The following MAP3K7CL variants were observed in gnomAD, a reference collection of about 807,000 sequenced individuals.
The protein encoded by MAP3K7CL is MAP3K7 C-terminal-like protein.
MAP3K7CL carries 16 observed loss-of-function variants against 18.6 expected under a neutral mutation model. The ratio of observed to expected loss-of-function variants is 0.86; its 90% confidence interval spans 0.58 to 1.31. The LOEUF (loss-of-function observed/expected upper bound fraction) is 1.31, where lower values mean the gene tolerates loss of function less well. Ranked by LOEUF, MAP3K7CL falls within the 50% of genes most tolerant of loss-of-function variation. The pLI, the probability that MAP3K7CL is intolerant of heterozygous loss-of-function variation, is 0.00. For synonymous variants in MAP3K7CL, 65 were observed against 66.8 expected (o/e 0.97, Z 0.13); for missense variants, 163 against 174.4 (o/e 0.93, Z 0.37).
chr21:29,117,537 A>C (rs1307085753), intron 4 of MAP3K7CL, among the ~76,000 whole-genome samples: 6 of 152,258 alleles, frequency 3.9e-5, no homozygotes, highest in Non-Finnish European at 8.8e-5. Context: ...TAAGCTAAAA[A>C]AAGGAAAATT....
chr21:29,166,092 C>A (rs1378706192), intron 4 of MAP3K7CL, among the ~76,000 whole-genome samples: 1 of 152,178 alleles, frequency 6.6e-6, no homozygotes, highest in African/African-American at 2.4e-5. Flanking sequence ...CAGGAGAACA[C>A]CAGAAGTTAT....
chr21:29,087,239 A>G (rs1391990777), intron 1 of MAP3K7CL, among the ~76,000 whole-genome samples: 4 of 151,764 alleles, frequency 2.6e-5, no homozygotes, highest in Non-Finnish European at 2.9e-5. Context: ...TTCCTTGACA[A>G]CTCTGTCTTC....
At chr21:29,158,572 A>G (rs2087462596) in intron 3 of MAP3K7CL, among the ~76,000 whole-genome samples, 1 of 152,204 alleles carries the variant, frequency 6.6e-6, no homozygotes, top group Non-Finnish European at 1.5e-5. Context: ...CATCTTATCT[A>G]TCAATCAGAC....
intron 4 of MAP3K7CL, among the ~76,000 whole-genome samples, chr21:29,095,316 T>C (rs1323268327): frequency 6.6e-6 from 1 of 152,046 alleles, no homozygotes; most frequent in Non-Finnish European, 1.5e-5. Flanking sequence ...TCCTAGCCCT[T>C]TCCCGTTTCC....
chr21:29,096,981 C>T lies in MAP3K7CL; in HGVS notation c.370+4400C>T, dbSNP rs560427944. On this transcript the variant is annotated intron_variant, in intron 4 of 6. Transcript: ENST00000286791. ...AGGAGGTCACCTTTCTTTCAGAACG[C>T]GTTTAAAATCTCGGCTAAGAACTCT... Among the ~76,000 whole-genome samples the T allele has an allele frequency of 4.6e-5, 7 of 152,258 alleles. No homozygotes were observed. The South Asian group carries it at 1.0e-3, about 23-fold the overall frequency.
intron 3 of MAP3K7CL, among the ~76,000 whole-genome samples, chr21:29,154,185 A>C (rs2087344642): frequency 6.6e-6 from 1 of 152,212 alleles, no homozygotes; most frequent in Non-Finnish European, 1.5e-5. Flanking sequence ...TAGATCTAGC[A>C]CAGTCCTTGA....
intron 2 of MAP3K7CL, among the ~76,000 whole-genome samples, chr21:29,147,568 G>A (rs977738191): frequency 6.6e-6 from 1 of 151,604 alleles, no homozygotes; most frequent in Non-Finnish European, 1.5e-5. Flanking sequence ...TATTGTATAT[G>A]TATGTGTACT....
At chr21:29,088,962 G>C (rs1325910494) in intron 1 of MAP3K7CL, among the ~76,000 whole-genome samples, 1 of 151,952 alleles carries the variant, frequency 6.6e-6, no homozygotes, top group Admixed American at 6.6e-5. Context: ...ACTAGGTCAG[G>C]AGTTCAAGAC....
At chr21:29,094,680 C>A (rs956890346) in intron 4 of MAP3K7CL, among the ~76,000 whole-genome samples, 1 of 152,190 alleles carries the variant, frequency 6.6e-6, no homozygotes, top group Non-Finnish European at 1.5e-5. Context: ...ACAAGGCAAG[C>A]TCCATGGAAG....
intron 4 of MAP3K7CL, among the ~76,000 whole-genome samples, chr21:29,172,154 A>G (rs56336551): frequency 0.03 from 4,610 of 151,316 alleles, 202 homozygotes; most frequent in African/African-American, 0.095. Flanking sequence ...CACAGTCCAT[A>G]TTCAAATTGC....
chr21:29,115,143 G>A (rs977919386), intron 4 of MAP3K7CL, among the ~76,000 whole-genome samples: 17 of 152,090 alleles, frequency 1.1e-4, no homozygotes, highest in African/African-American at 3.9e-4. Context: ...TCATCATGCC[G>A]GGCTAACTTG....
chr21:29,146,411 T>C (rs2087129807), intron 2 of MAP3K7CL, among the ~76,000 whole-genome samples: 1 of 150,524 alleles, frequency 6.6e-6, no homozygotes, highest in African/African-American at 2.5e-5. Flanking sequence ...GCATAGGTTT[T>C]ATAATGAAGC....
At chr21:29,127,021 A>C (rs1041848378), upstream of MAP3K7CL, among the ~76,000 whole-genome samples, 2 of 152,236 alleles carry the variant, frequency 1.3e-5, no homozygotes, top group Non-Finnish European at 2.9e-5. Context: ...CTACTGAGTC[A>C]CTATGGCAAA....
chr21:29,084,270 G>C (rs1033138626), upstream of MAP3K7CL, among the ~76,000 whole-genome samples: 1 of 151,922 alleles, frequency 6.6e-6, no homozygotes, highest in African/African-American at 2.4e-5. Flanking sequence ...GCAATCTTGA[G>C]ACCTTCTTAC....
At chr21:29,113,606 A>G (rs1039428971) in intron 4 of MAP3K7CL, among the ~76,000 whole-genome samples, 1 of 152,044 alleles carries the variant, frequency 6.6e-6, no homozygotes, top group African/African-American at 2.4e-5. Context: ...GCTCACTGCA[A>G]CCTCTGCCTC....
intron 4 of MAP3K7CL, chr21:29,092,596 C>A (rs201939837): frequency 3.7e-6 from 6 of 1,611,688 alleles, no homozygotes; most frequent in Non-Finnish European, 1.7e-6. Context: ...GTATTCCGTC[C>A]ACTTTCTGGA....
chr21:29,086,076 A>G (rs963881164), intron 1 of MAP3K7CL, among the ~76,000 whole-genome samples: 1 of 152,222 alleles, frequency 6.6e-6, no homozygotes, highest in African/African-American at 2.4e-5. Context: ...GGAGGTCGGC[A>G]GACTATTTGT....
At position 29,169,304 on chromosome 21, in the gene MAP3K7CL, G is replaced by A. The variant is rs2087767145; in HGVS notation, c.249-5408G>A. The stretch of plus-strand genomic sequence containing the variant: ...ATTAGTACATTTCTTCATGCATTAA[G>A]CATTTGTACAGCTTCAACAACATAG... On this transcript the variant is annotated intron_variant, in intron 4 of 4. Transcript: ENST00000399928. 1.3e-5 allele frequency among the ~76,000 whole-genome samples: 2 copies of A among 152,166 alleles called. 1 individual carries two copies. Among genetic ancestry groups the A allele is most frequent in the South Asian group, 4.1e-4 (2 of 4,826 alleles).
At chr21:29,108,899 G>A (rs2086370766) in intron 4 of MAP3K7CL, 1 of 716,790 alleles carries the variant, frequency 1.4e-6, no homozygotes, top group Admixed American at 3.0e-5. Context: ...TGTTCAGTCA[G>A]CTCCAATGGT....
Sources: gnomAD v4.1 joint callset for allele counts (sites outside exome capture counted in the v4.1 genomes callset) on GRCh38, gnomAD v4.1.1 for gene constraint, MANE v1.5 for transcripts, NCBI Gene and HGNC (gene_info 2026-07-23, HGNC 2026-07-21) for gene names.